The following PCLO variants were observed in gnomAD, a reference collection of about 807,000 sequenced individuals.
PCLO encodes the protein protein piccolo.
PCLO carries 82 observed loss-of-function variants against 427.5 expected under a neutral mutation model. The ratio of observed to expected loss-of-function variants is 0.19; its 90% CI spans 0.16 to 0.23. The LOEUF (loss-of-function observed/expected upper bound fraction) is 0.23, where lower values mean the gene tolerates loss of function less well. PCLO is among the 10% of genes least tolerant of loss of function. The pLI, the probability that PCLO is intolerant of heterozygous loss-of-function variation, is 1.00. For missense variants in PCLO, 6,239 were observed against 6,115.9 expected (o/e 1.02, Z -0.67); for synonymous variants, 2,357 against 2,155.4 (o/e 1.09, Z -2.59).
chr7:82,948,310 A>G (rs1282683228), intron 6 of PCLO, among the ~76,000 whole-genome samples: 1 of 151,414 alleles, frequency 6.6e-6, no homozygotes, highest in African/African-American at 2.4e-5. Context: ...AAAAAACGTA[A>G]TAACGCAATT....
Position 82,794,464 on chromosome 7 carries a change from T to C in PCLO, c.15007+7054A>G, listed in dbSNP as rs1859175. ...CTAGTTCATAAATTTTTTTTCTTTT[T>C]TTTTTTTTTTTTTTTTTTTTTTTTT... On this transcript the variant is annotated intron_variant, in intron 22 of 24. Transcript: ENST00000333891. Among the ~76,000 whole-genome samples, 586 of 70,754 alleles carry C rather than the reference T, an allele frequency of 8.3e-3. 7 individuals carry two copies. The highest frequency in any genetic ancestry group is 0.023 in the East Asian group (49 of 2,098). 46.4% of individuals were successfully genotyped at this position (70,754 alleles called of 152,430 possible). A position where few individuals can be genotyped will look rare whatever the true frequency, so the allele number is the denominator to read the frequency against.
chr7:82,776,256 T>C (rs1790746588), intron 22 of PCLO, among the ~76,000 whole-genome samples: 1 of 152,232 alleles, frequency 6.6e-6, no homozygotes, highest in Admixed American at 6.5e-5. Context: ...GCTAAGGGCA[T>C]GAGCCAAAAT....
At position 83,155,777 on chromosome 7, in the gene PCLO, T is replaced by G. The variant is rs756221466; in HGVS notation, c.864A>C (p.Ile288=). ...ASRPQTKQAD[I]VRGESVKPSL... The stretch of plus-strand genomic sequence containing the variant: ...AGGGTTTAACTGATTCTCCCCTTAC[T>G]ATGTCTGCCTGTTTAGTCTGAGGCC... Residue 288 remains isoleucine (I), a synonymous_variant, in exon 2 of 25, where the codon ATA becomes ATC. Transcript: ENST00000333891. The G allele has an allele frequency of 6.2e-7, 1 of 1,613,962 alleles. No homozygotes were observed. Among genetic ancestry groups the G allele is most frequent in the South Asian group, 1.1e-5 (1 of 91,082 alleles).
intron 9 of PCLO, among the ~76,000 whole-genome samples, chr7:82,895,565 C>A (rs1198763059): frequency 1.3e-5 from 2 of 151,494 alleles, no homozygotes; most frequent in East Asian, 3.9e-4. Flanking sequence ...GCAAAACTGA[C>A]AAATCTTCAA....
rs755646536 is a variant in PCLO at position 83,135,447 on chromosome 7, T to G, written c.2103A>C (p.Lys701Asn). The G allele has an allele frequency of 8.1e-6, 13 of 1,613,720 alleles. No individual in the cohort carries two copies. Among genetic ancestry groups the G allele is most frequent in the Admixed American group, 6.7e-5 (4 of 59,992 alleles). The change falls in exon 3 of 25, where the codon AAA becomes AAC. Residue 701 changes from lysine (K) to asparagine (N), a missense_variant. Transcript: ENST00000333891. ...KQDLSKAPEPKKPPPLVKQPT... is the reference protein window; with the variant it reads ...KQDLSKAPEPNKPPPLVKQPT... ...GTTGTTTCACTAGTGGTGGTGGCTT[T>G]TTAGGCTCAGGTGCCTTGGAGAGAT...
chr7:83,110,432 GC>G (rs1554398892), intron 3 of PCLO, among the ~76,000 whole-genome samples: 1 of 151,708 alleles, frequency 6.6e-6, no homozygotes, highest in Non-Finnish European at 1.5e-5. Flanking sequence ...TTTTCAAAAT[GC>G]CCTCTCCTAG....
At position 82,966,172 on chromosome 7, in the gene PCLO, A is replaced by C. The variant is rs1795767888; in HGVS notation, c.3616T>G (p.Ser1206Ala). The C allele has an allele frequency of 6.2e-7, 1 of 1,607,906 alleles. No homozygotes were observed. Among genetic ancestry groups the C allele is most frequent in the Non-Finnish European group, 8.5e-7 (1 of 1,178,230 alleles). Residue 1206 changes from serine to alanine, a missense_variant, in exon 4 of 25, where the codon TCA (serine) becomes GCA (alanine). This residue lies in a region of PCLO where 4,677 missense variants were observed against 4,468.4 expected (regional missense o/e 1.05). Transcript: ENST00000333891. The part of the protein sequence containing the change: ...EESKLEKDKA[S>A]ALQEKKPLPE... ...AGTGGCTTTTTTTCTTGAAGAGCTG[A>C]AGCTTTGTCTTTCTCTAGTTTACTC...
chr7:82,947,411 T>C lies in PCLO; in HGVS notation c.11112+2065A>G, dbSNP rs559140855. On this transcript the variant is annotated intron_variant, in intron 6 of 24. Coordinates refer to ENST00000333891, the MANE Select transcript of PCLO (RefSeq NM_033026.6). ...ACTATGAATATCCCTAAGAAAATTATTTTTTTAGTATAGTTAATACTTAGT... is the reference window on the plus strand; with the variant it reads ...ACTATGAATATCCCTAAGAAAATTACTTTTTTAGTATAGTTAATACTTAGT... Among the ~76,000 whole-genome samples the C allele has an allele frequency of 8.2e-4, 114 of 138,788 alleles. 1 individual carries two copies. The highest frequency in any genetic ancestry group is 3.4e-3 in the Middle Eastern group (1 of 290). 91.1% of individuals were successfully genotyped at this position (138,788 alleles called of 152,430 possible).
chr7:82,983,762 T>G (rs921452540), intron 3 of PCLO, among the ~76,000 whole-genome samples: 2 of 151,864 alleles, frequency 1.3e-5, no homozygotes, highest in African/African-American at 4.8e-5. Context: ...TAATCAATGC[T>G]TAATTCAAAA....
intron 2 of PCLO, among the ~76,000 whole-genome samples, chr7:83,150,958 A>AC (rs975658952): frequency 2.9e-4 from 44 of 152,178 alleles, no homozygotes; most frequent in Admixed American, 1.0e-3. Context: ...TTTCATGGAT[A>AC]CGTATGAAAG....
At chr7:82,977,380 TTTTA>T (rs200252038) in intron 3 of PCLO, among the ~76,000 whole-genome samples, 7,620 of 132,668 alleles carry the variant, frequency 0.057, 251 homozygotes, top group African/African-American at 0.088. Context: ...AATTCATCTT[TTTTA>T]TTTATTTATT....
intron 3 of PCLO, among the ~76,000 whole-genome samples, chr7:83,011,818 A>G (rs1376185868): frequency 1.3e-5 from 2 of 151,984 alleles, no homozygotes; most frequent in Non-Finnish European, 2.9e-5. Flanking sequence ...AAGATCCCCA[A>G]ATTAGCTTCT....
At chr7:83,152,571 C>G (rs138521187) in intron 2 of PCLO, among the ~76,000 whole-genome samples, 1 of 152,146 alleles carries the variant, frequency 6.6e-6, no homozygotes, top group African/African-American at 2.4e-5. Context: ...AACACCCTAG[C>G]TAACCTACAT....
chr7:82,802,504 G>C (rs73706726), intron 21 of PCLO, among the ~76,000 whole-genome samples: 1 of 152,116 alleles, frequency 6.6e-6, no homozygotes, highest in Admixed American at 6.5e-5. Context: ...CTAAAGGACA[G>C]TAGACCACTT....
intron 3 of PCLO, among the ~76,000 whole-genome samples, chr7:83,118,681 C>A (rs1379316764): frequency 1.3e-5 from 2 of 152,152 alleles, no homozygotes; most frequent in African/African-American, 4.8e-5. Context: ...GGGGAATCCT[C>A]TACTCCAGCA....
intron 3 of PCLO, among the ~76,000 whole-genome samples, chr7:83,127,757 A>C (rs1219163613): frequency 2.6e-5 from 4 of 152,116 alleles, no homozygotes; most frequent in Non-Finnish European, 4.4e-5. Flanking sequence ...GAACAGAGGA[A>C]TCATTTGGAA....
In PCLO at chr7:82,812,913, A is replaced by G. The variant is rs1172370572; in HGVS notation, c.14792-7084T>C. ...AGGTATTTCCAACTGACAATTGGAG[A>G]AAAAAAAAACTCAAGCAGGAATAAA... On this transcript the variant is annotated intron_variant, in intron 20 of 24. Transcript: ENST00000333891. Among the ~76,000 whole-genome samples, 5 of 142,196 alleles carry G rather than the reference A, an allele frequency of 3.5e-5. No individual in the cohort carries two copies. In the South Asian group the frequency reaches 6.4e-4, roughly 18 times the overall value. The allele number at this position is 142,196 out of a possible 152,430, so 93.3% of individuals were successfully genotyped here.
intron 20 of PCLO, among the ~76,000 whole-genome samples, chr7:82,809,603 A>AATAATAATT (rs1791526566): frequency 8.3e-6 from 1 of 121,108 alleles, no homozygotes; most frequent in Admixed American, 7.4e-5. Flanking sequence ...ATGAATAAGT[A>AATAATAATT]ATAATAATAA....
At chr7:82,778,321 T>G (rs946284923) in intron 22 of PCLO, among the ~76,000 whole-genome samples, 4 of 152,038 alleles carry the variant, frequency 2.6e-5, no homozygotes, top group Admixed American at 6.6e-5. Context: ...TTAGTGGGAG[T>G]GTAAATTAGT....
Sources: gnomAD v4.1 joint callset for allele counts (sites outside exome capture counted in the v4.1 genomes callset) on GRCh38, gnomAD v4.1.1 for gene constraint, gnomAD v4.1.1 regional missense constraint, MANE v1.5 for transcripts, NCBI Gene and HGNC (gene_info 2026-07-23, HGNC 2026-07-21) for gene names.